Variants in SH3RF2 observed in about 807,000 individuals in gnomAD.
SH3RF2 encodes the protein SH3 domain containing ring finger 2, also known as E3 ubiquitin-protein ligase SH3RF2.
SH3RF2 carries 43 observed loss-of-function variants against 59.0 expected under a neutral mutation model. The observed-to-expected ratio is 0.73, with a 90% confidence interval of 0.57 to 0.94. The LOEUF (loss-of-function observed/expected upper bound fraction) is 0.94. Ranked by LOEUF, SH3RF2 falls within the 40% of genes least tolerant of loss-of-function variation. The pLI is 0.00. For missense variants in SH3RF2, 930 were observed against 940.1 expected, an observed-to-expected ratio of 0.99 and a Z score of 0.14; for synonymous variants, 391 against 391.5, an observed-to-expected ratio of 1.00 and a Z score of 0.01.
chr5:146,016,688 G>A (rs1244529952), intron 5 of SH3RF2, among the ~76,000 whole-genome samples: 1 of 152,126 alleles, frequency 6.6e-6, no homozygotes, highest in Non-Finnish European at 1.5e-5. Flanking sequence ...ACACTATGCT[G>A]TCAACCAAGA....
intron 5 of SH3RF2, among the ~76,000 whole-genome samples, chr5:146,025,390 C>T (rs902204877): frequency 6.6e-6 from 1 of 152,222 alleles, no homozygotes; most frequent in Non-Finnish European, 1.5e-5. Flanking sequence ...CGTAGGCTGG[C>T]CCCCAGTCCA....
At chr5:146,074,773 C>CCTCTCTCT (rs35758284) in intron 9 of SH3RF2, among the ~76,000 whole-genome samples, 6 of 148,536 alleles carry the variant, frequency 4.0e-5, no homozygotes, top group South Asian at 4.3e-4. Context: ...AGCCCTCTGC[C>CCTCTCTCT]CTCTCTCTCT....
intron 5 of SH3RF2, among the ~76,000 whole-genome samples, chr5:146,025,402 G>A (rs1045426609): frequency 6.6e-6 from 1 of 152,236 alleles, no homozygotes; most frequent in Non-Finnish European, 1.5e-5. Context: ...CCCAGTCCAG[G>A]CCTCCTTGGC....
intron 2 of SH3RF2, among the ~76,000 whole-genome samples, chr5:145,996,475 A>C (rs888920010): frequency 1.3e-5 from 2 of 152,192 alleles, no homozygotes; most frequent in Non-Finnish European, 2.9e-5. Flanking sequence ...GACTGAAATA[A>C]TTATTTAGAC....
intron 2 of SH3RF2, among the ~76,000 whole-genome samples, chr5:145,954,953 G>T (rs897892033): frequency 6.6e-6 from 1 of 152,042 alleles, no homozygotes; most frequent in African/African-American, 2.4e-5. Flanking sequence ...GTGGGGGGAA[G>T]TGCCACACAC....
At chr5:146,017,226 T>C (rs537223764) in intron 5 of SH3RF2, among the ~76,000 whole-genome samples, 53 of 152,122 alleles carry the variant, frequency 3.5e-4, no homozygotes, top group Non-Finnish European at 6.3e-4. Context: ...AGATACTGAG[T>C]AAGTTCGGTG....
intron 8 of SH3RF2, among the ~76,000 whole-genome samples, chr5:146,057,540 G>T (rs1428606558): frequency 6.6e-6 from 1 of 152,236 alleles, no homozygotes; most frequent in Non-Finnish European, 1.5e-5. Flanking sequence ...ATAATAATCT[G>T]TCAGGAAACA....
rs566172574 is a variant in SH3RF2, at chr5:145,987,443, C to T, written c.379-12615C>T. 5.0e-4 allele frequency among the ~76,000 whole-genome samples: 76 copies of T among 152,100 alleles called. 1 individual carries two copies. Among genetic ancestry groups the T allele is most frequent in the Non-Finnish European group, 9.6e-4 (65 of 68,010 alleles). On this transcript the variant is annotated intron_variant, in intron 2 of 9. Coordinates refer to ENST00000359120, the MANE Select transcript of SH3RF2 (RefSeq NM_152550.4). ...CAGTGAGAACATACAACGGAGAAAA[C>T]ATTAAAATAAATAAAGAGAGAAACA...
At chr5:146,028,077 C>G (rs1761597414) in intron 5 of SH3RF2, among the ~76,000 whole-genome samples, 1 of 151,982 alleles carries the variant, frequency 6.6e-6, no homozygotes, top group Non-Finnish European at 1.5e-5. Context: ...GCGGCCTAGC[C>G]TGTACCTCAG....
At chr5:146,011,194 G>A (rs180671366) in intron 4 of SH3RF2, among the ~76,000 whole-genome samples, 5 of 152,262 alleles carry the variant, frequency 3.3e-5, no homozygotes, top group African/African-American at 9.6e-5. Flanking sequence ...GGTTGTAGAT[G>A]TGTGGTGTTA....
chr5:145,960,851 A>C (rs1283156011), intron 2 of SH3RF2, among the ~76,000 whole-genome samples: 2 of 152,242 alleles, frequency 1.3e-5, no homozygotes, highest in African/African-American at 2.4e-5. Flanking sequence ...AGCAGGGTCA[A>C]AACTGGGATC....
chr5:146,011,348 G>A (rs1469212059), intron 4 of SH3RF2, among the ~76,000 whole-genome samples: 3 of 152,138 alleles, frequency 2.0e-5, no homozygotes, highest in African/African-American at 4.8e-5. Context: ...GCTTAGGATT[G>A]ACTCGGCAGT....
exon 10 of SH3RF2, chr5:146,079,673 A>G (rs551877773): frequency 6.6e-6 from 1 of 152,350 alleles, no homozygotes; most frequent in African/African-American, 2.4e-5. Flanking sequence ...ATGTGAAGCT[A>G]TCACATGCAG....
chr5:146,060,401 A>G (rs1468782193), intron 9 of SH3RF2, among the ~76,000 whole-genome samples, 177 bp downstream of exon 9: 3 of 151,940 alleles, frequency 2.0e-5, no homozygotes, highest in Non-Finnish European at 4.4e-5. Context: ...AACATCCCCA[A>G]CATCACCCAC....
intron 2 of SH3RF2, among the ~76,000 whole-genome samples, chr5:145,946,713 C>A (rs937461293): frequency 6.6e-6 from 1 of 152,166 alleles, no homozygotes; most frequent in Non-Finnish European, 1.5e-5. Flanking sequence ...TGACTAAACT[C>A]TTACATCATA....
At chr5:146,072,449 G>T (rs1763258329) in intron 9 of SH3RF2, among the ~76,000 whole-genome samples, 1 of 152,096 alleles carries the variant, frequency 6.6e-6, no homozygotes. Context: ...GAGGCAGGCG[G>T]ATCACAAGGT....
At chr5:146,015,503 CAATT>C (rs1268206208) in intron 5 of SH3RF2, among the ~76,000 whole-genome samples, 2 of 152,112 alleles carry the variant, frequency 1.3e-5, no homozygotes, top group Non-Finnish European at 2.9e-5. Context: ...TTGTGACTCA[CAATT>C]AAGCCAAAGA....
At chr5:145,984,120 T>G (rs1580812172) in intron 2 of SH3RF2, among the ~76,000 whole-genome samples, 1 of 152,240 alleles carries the variant, frequency 6.6e-6, no homozygotes, top group African/African-American at 2.4e-5. Context: ...GCTACTAGAA[T>G]ATAAGTCCCA....
intron 2 of SH3RF2, among the ~76,000 whole-genome samples, chr5:145,951,248 T>C (rs1344506345): frequency 6.6e-6 from 1 of 152,220 alleles, no homozygotes; most frequent in Non-Finnish European, 1.5e-5. Flanking sequence ...TTGGGCAAGC[T>C]ACCCATGTAG....
Sources: allele counts gnomAD v4.1 joint callset (sites outside exome capture counted in the v4.1 genomes callset), GRCh38; gene constraint gnomAD v4.1.1; transcripts MANE v1.5; gene names NCBI Gene and HGNC (gene_info 2026-07-23, HGNC 2026-07-21).